The following LDAH variants were observed in gnomAD, a reference collection of about 807,000 sequenced individuals.
LDAH encodes lipid droplet-associated hydrolase.
A neutral mutation model predicts 29.6 loss-of-function variants in LDAH; 26 were observed. The observed-to-expected ratio is 0.88, with a 90% CI of 0.64 to 1.22. LDAH has a LOEUF of 1.22. Ranked by LOEUF, LDAH falls within the 50% of genes most tolerant of loss-of-function variation. The pLI is 0.00. For synonymous variants in LDAH, 117 were observed against 133.0 expected (o/e 0.88, Z 0.83); for missense variants, 344 against 387.3 (o/e 0.89, Z 0.94).
At chr2:20,696,222 T>C (rs1168868676) in intron 6 of LDAH, among the ~76,000 whole-genome samples, 1 of 152,178 alleles carries the variant, frequency 6.6e-6, no homozygotes, top group African/African-American at 2.4e-5. Context: ...GACATGTGCA[T>C]GTCAGAAGGA....
Position 20,757,004 on chromosome 2 carries a change from T to C in LDAH, c.469-16799A>G, listed in dbSNP as rs191749422. Among the ~76,000 whole-genome samples the C allele has an allele frequency of 2.6e-3, 395 of 152,294 alleles. 3 individuals are homozygous for C. The highest frequency in any genetic ancestry group is 3.1e-3 in the Non-Finnish European group (208 of 68,026). On this transcript the variant is annotated intron_variant, in intron 4 of 6. Coordinates refer to ENST00000237822, the MANE Select transcript of LDAH (RefSeq NM_021925.4). The stretch of plus-strand genomic sequence containing the variant: ...CAGCACCAGCTGCTAATGGTGTTGA[T>C]AGGAGGTGAAGATGGCAGGCTATCT...
intron 1 of LDAH, among the ~76,000 whole-genome samples, chr2:20,818,083 A>G (rs1355166653): frequency 2.0e-5 from 3 of 152,176 alleles, no homozygotes; most frequent in Admixed American, 2.0e-4. Flanking sequence ...GTACACACAC[A>G]AATGAGTCCT....
At chr2:20,793,706 T>C (rs958960973) in intron 2 of LDAH, among the ~76,000 whole-genome samples, 8 of 152,170 alleles carry the variant, frequency 5.3e-5, no homozygotes, top group East Asian at 1.9e-4. Context: ...AAGTCTTCTA[T>C]CTTAAAAGAG....
intron 4 of LDAH, among the ~76,000 whole-genome samples, chr2:20,757,095 T>G (rs1379390271): frequency 6.6e-6 from 1 of 152,164 alleles, no homozygotes; most frequent in Non-Finnish European, 1.5e-5. Flanking sequence ...AAAGTCCCCT[T>G]GAAGGCATCA....
chr2:20,685,461 T>G lies in LDAH; in HGVS notation c.*1442A>C. ...CCCCTTGGGCTAACAGCACTCCTTGTCTGGAGCTTGGCTTTTCCCCTCTGA... is the reference window on the plus strand; with the variant it reads ...CCCCTTGGGCTAACAGCACTCCTTGGCTGGAGCTTGGCTTTTCCCCTCTGA... On this transcript the variant is annotated 3_prime_UTR_variant, in exon 7 of 7. Transcript: ENST00000237822. The G allele has an allele frequency of 6.7e-7, 1 of 1,502,248 alleles. No individual in the cohort carries two copies. Among genetic ancestry groups the G allele is most frequent in the Non-Finnish European group, 8.9e-7 (1 of 1,122,002 alleles). 93.1% of individuals were successfully genotyped at this position (1,502,248 alleles called of 1,614,324 possible). A position where few individuals can be genotyped will look rare whatever the true frequency, so the allele number is the denominator to read the frequency against.
chr2:20,731,346 C>T (rs1333890215), intron 5 of LDAH, among the ~76,000 whole-genome samples: 4 of 152,188 alleles, frequency 2.6e-5, no homozygotes, highest in Admixed American at 2.0e-4. Context: ...TGGCACCTCT[C>T]CCACTTGTCT....
At chr2:20,799,533 A>ATACAC (rs1278802785) in intron 2 of LDAH, among the ~76,000 whole-genome samples, 1 of 152,164 alleles carries the variant, frequency 6.6e-6, no homozygotes, top group Non-Finnish European at 1.5e-5. Context: ...TACCAATACA[A>ATACAC]TACACTACTG....
At chr2:20,730,380 C>A (rs147042018) in intron 5 of LDAH, among the ~76,000 whole-genome samples, 1 of 152,138 alleles carries the variant, frequency 6.6e-6, no homozygotes, top group African/African-American at 2.4e-5. Flanking sequence ...AGGTTTTTAA[C>A]TGTCAAACTG....
At chr2:20,821,300 T>C (rs542932399) in intron 1 of LDAH, among the ~76,000 whole-genome samples, 2 of 152,338 alleles carry the variant, frequency 1.3e-5, no homozygotes, top group South Asian at 2.1e-4. Flanking sequence ...CATGCTGCTA[T>C]AAAGACACAT....
At chr2:20,693,966 G>T (rs1276356550) in intron 6 of LDAH, among the ~76,000 whole-genome samples, 1 of 152,232 alleles carries the variant, frequency 6.6e-6, no homozygotes, top group Non-Finnish European at 1.5e-5. Context: ...TCTTCCAGAG[G>T]TCTAAGAAAA....
rs374444184 is a variant in LDAH, at chr2:20,695,820, C to G, written c.786+5750G>C. ...TTTTTGGAATAGCTGTATGAGGCTACATACTATTATTAACCATTTTATTGA... is the reference window on the plus strand; with the variant it reads ...TTTTTGGAATAGCTGTATGAGGCTAGATACTATTATTAACCATTTTATTGA... On this transcript the variant is annotated intron_variant, in intron 6 of 6. Transcript: ENST00000237822. Among the ~76,000 whole-genome samples, 229 of 152,262 alleles carry G rather than the reference C, an allele frequency of 1.5e-3. 5 individuals carry two copies. In the South Asian group the frequency reaches 0.044, roughly 29 times the overall value.
In LDAH at chr2:20,790,432, A is replaced by G. The variant is rs375582006; in HGVS notation, c.155-34T>C. 3.2e-5 allele frequency: 51 copies of G among 1,596,074 alleles called. 1 individual carries two copies. The Middle Eastern group carries it at 5.1e-4, about 16-fold the overall frequency. ...AGAAACACAGACCTTAGATTAATCA[A>G]AGTAATAAACAGGCATAAGATGACA... is the stretch of plus-strand genomic sequence containing the variant. On this transcript the variant is annotated intron_variant, in intron 2 of 6. Coordinates refer to ENST00000237822, the MANE Select transcript of LDAH (RefSeq NM_021925.4).
At chr2:20,720,540 A>G (rs1000655632) in intron 5 of LDAH, among the ~76,000 whole-genome samples, 1 of 152,164 alleles carries the variant, frequency 6.6e-6, no homozygotes, top group African/African-American at 2.4e-5. Flanking sequence ...GAAATGTTAT[A>G]TGACCCAAAG....
intron 1 of LDAH, among the ~76,000 whole-genome samples, chr2:20,820,162 T>C (rs1197252285): frequency 2.0e-5 from 3 of 151,936 alleles, no homozygotes; most frequent in Non-Finnish European, 4.4e-5. Context: ...ATAGGAAGAA[T>C]CAATATTGTG....
chr2:20,744,736 T>C (rs142653823), intron 4 of LDAH, among the ~76,000 whole-genome samples: 2 of 152,330 alleles, frequency 1.3e-5, no homozygotes, highest in African/African-American at 2.4e-5. Flanking sequence ...GAGAATCTAA[T>C]TGAGCTCATG....
At chr2:20,683,230 A>G (rs906045010), downstream of LDAH, among the ~76,000 whole-genome samples, 1 of 152,204 alleles carries the variant, frequency 6.6e-6, no homozygotes, top group Non-Finnish European at 1.5e-5. Context: ...ACCTGGGCCA[A>G]TGTGATCACT....
chr2:20,770,401 A>G (rs1399260576), intron 4 of LDAH, among the ~76,000 whole-genome samples: 2 of 152,202 alleles, frequency 1.3e-5, no homozygotes, highest in Non-Finnish European at 2.9e-5. Flanking sequence ...ATAAATTCTT[A>G]GAGGAAAATT....
intron 6 of LDAH, among the ~76,000 whole-genome samples, chr2:20,700,895 C>T (rs1367218611): frequency 1.3e-5 from 2 of 152,094 alleles, no homozygotes; most frequent in Non-Finnish European, 2.9e-5. Context: ...TAAGGCTAGC[C>T]ACAAATAACC....
intron 6 of LDAH, among the ~76,000 whole-genome samples, chr2:20,688,749 C>T (rs1170706568): frequency 6.7e-6 from 1 of 149,928 alleles, no homozygotes; most frequent in East Asian, 2.0e-4. Flanking sequence ...AAAAATTTAA[C>T]ATAGTACTCC....
Sources: gnomAD v4.1 joint callset for allele counts (sites outside exome capture counted in the v4.1 genomes callset) on GRCh38, gnomAD v4.1.1 for gene constraint, MANE v1.5 for transcripts, NCBI Gene and HGNC (gene_info 2026-07-23, HGNC 2026-07-21) for gene names.